DNAH7: variants seen among roughly 807,000 people sequenced by gnomAD.
The protein encoded by DNAH7 is axonemal beta dynein heavy chain 7.
A neutral mutation model predicts 444.6 loss-of-function variants in DNAH7; 397 were observed. That is an observed-to-expected ratio of 0.89 (90% CI 0.82 to 0.97). DNAH7 has a LOEUF of 0.97. DNAH7 is among the 50% of genes least tolerant of loss of function. The pLI is 0.00. For missense variants in DNAH7, 4,902 were observed against 4,800.8 expected (o/e 1.02, Z -0.62); for synonymous variants, 1,636 against 1,624.4 (o/e 1.01, Z -0.17).
intron 40 of DNAH7, among the ~76,000 whole-genome samples, chr2:195,868,474 T>C (rs1700485695): frequency 6.6e-6 from 1 of 151,874 alleles, no homozygotes. Flanking sequence ...TGACTAATCA[T>C]GTCCTTATTG....
chr2:195,949,820 G>A (rs1432164290), intron 19 of DNAH7, among the ~76,000 whole-genome samples: 1 of 152,160 alleles, frequency 6.6e-6, no homozygotes, highest in Non-Finnish European at 1.5e-5. Context: ...ATGTGATGTT[G>A]AATTTTATCA....
At chr2:196,021,806 A>C (rs1354981829) in intron 8 of DNAH7, among the ~76,000 whole-genome samples, 1 of 151,994 alleles carries the variant, frequency 6.6e-6, no homozygotes, top group Non-Finnish European at 1.5e-5. Context: ...TGGGAAACAA[A>C]GAAACCCTAT....
At chr2:195,940,774 C>T (rs1016642394) in intron 19 of DNAH7, among the ~76,000 whole-genome samples, 5 of 152,026 alleles carry the variant, frequency 3.3e-5, no homozygotes, top group Admixed American at 6.6e-5. Context: ...TGAAAAAAAG[C>T]TCATCATCAC....
At position 195,858,867 on chromosome 2, in the gene DNAH7, C is replaced by T. The variant is rs1366050948; in HGVS notation, c.7737-63G>A. The T allele has an allele frequency of 2.8e-6, 4 of 1,408,730 alleles. No individual in the cohort carries two copies. The Admixed American group carries it at 9.0e-5, about 32-fold the overall frequency. 87.3% of individuals were successfully genotyped at this position (1,408,730 alleles called of 1,614,324 possible). ...CTCTGTATCCTACATGAAGGAAAAA[C>T]TTAAGTGTTTCTGAGCTTTCTAGGC... is the stretch of plus-strand genomic sequence containing the variant. On this transcript the variant is annotated intron_variant, in intron 42 of 64. Coordinates refer to ENST00000312428, the MANE Select transcript of DNAH7 (RefSeq NM_018897.3).
At chr2:195,756,073 T>C in intron 62 of DNAH7, 60 bp downstream of exon 62, 1 of 1,521,810 alleles carries the variant, frequency 6.6e-7, no homozygotes, top group Non-Finnish European at 8.9e-7. Context: ...TTAAGCATTC[T>C]GACGAAGAAA....
rs1487964166 is a variant in DNAH7 at position 195,981,104 on chromosome 2, A to C, written c.1833+3528T>G. Among the ~76,000 whole-genome samples the C allele has an allele frequency of 2.0e-5, 3 of 152,190 alleles. No individual in the cohort carries two copies. The East Asian group carries it at 5.8e-4, about 29-fold the overall frequency. ...ATATTTGAAAAATCCTAGAGACTCC[A>C]CCAAAAAACTATTAGAACTGATAAA... is the stretch of plus-strand genomic sequence containing the variant. On this transcript the variant is annotated intron_variant, in intron 15 of 64. Transcript: ENST00000312428.
intron 49 of DNAH7, among the ~76,000 whole-genome samples, chr2:195,821,613 TA>T (rs1697476583): frequency 6.6e-6 from 1 of 152,188 alleles, no homozygotes; most frequent in Non-Finnish European, 1.5e-5. Context: ...ATGTGTAGAA[TA>T]ATTGAAGGTT....
At position 196,064,746 on chromosome 2, in the gene DNAH7, T is replaced by C. The variant is rs539597888; in HGVS notation, c.15+3951A>G. Among the ~76,000 whole-genome samples, 8 of 152,302 alleles carry C rather than the reference T, an allele frequency of 5.3e-5. No individual in the cohort carries two copies. The East Asian group carries it at 1.2e-3, about 22-fold the overall frequency. ...TTTAATATTACATTTTTGAAATGTA[T>C]CCCCATTAATACGTTTCTCAATGAT... is the stretch of plus-strand genomic sequence containing the variant. On this transcript the variant is annotated intron_variant, in intron 1 of 64. Transcript: ENST00000312428.
chr2:195,900,649 A>G, intron 27 of DNAH7, 155 bp from the exon 28 acceptor site: 1 of 664,822 alleles, frequency 1.5e-6, no homozygotes, highest in Non-Finnish European at 2.5e-6. Flanking sequence ...GAGGCTGGGA[A>G]AGGTGAGGTG....
At chr2:195,972,005 A>C (rs968818180) in intron 16 of DNAH7, among the ~76,000 whole-genome samples, 1 of 152,162 alleles carries the variant, frequency 6.6e-6, no homozygotes, top group Admixed American at 6.5e-5. Flanking sequence ...TATCTTGAAA[A>C]ATCAAGAAAT....
chr2:195,842,062 G>A (rs533808916), intron 47 of DNAH7, among the ~76,000 whole-genome samples: 1 of 151,994 alleles, frequency 6.6e-6, no homozygotes, highest in East Asian at 1.9e-4. Flanking sequence ...AGTTATTATT[G>A]CTACTGAATT....
chr2:195,961,077 T>C (rs1202915140), intron 17 of DNAH7, 132 bp from the exon 18 acceptor site: 1 of 661,554 alleles, frequency 1.5e-6, no homozygotes, highest in East Asian at 3.1e-5. Flanking sequence ...ACTTCAATAA[T>C]CTAGAAAAAC....
chr2:195,781,388 C>T (rs1306311079), intron 58 of DNAH7, among the ~76,000 whole-genome samples: 1 of 152,100 alleles, frequency 6.6e-6, no homozygotes, highest in Non-Finnish European at 1.5e-5. Context: ...CCTGAGAGTC[C>T]ATGAGGTAAA....
At chr2:195,930,582 G>T (rs1688624642) in intron 21 of DNAH7, among the ~76,000 whole-genome samples, 1 of 152,196 alleles carries the variant, frequency 6.6e-6, no homozygotes, top group Non-Finnish European at 1.5e-5. Context: ...TGGTGGGATT[G>T]TAAGTTAGTT....
chr2:195,767,210 TAA>T (rs1422633023), intron 61 of DNAH7, among the ~76,000 whole-genome samples: 1 of 152,140 alleles, frequency 6.6e-6, no homozygotes, highest in East Asian at 1.9e-4. Context: ...AGTGTTTTAC[TAA>T]ATTTCCAAAT....
chr2:196,023,826 G>A (rs1695523473), intron 8 of DNAH7, among the ~76,000 whole-genome samples: 2 of 152,106 alleles, frequency 1.3e-5, no homozygotes, highest in South Asian at 4.1e-4. Flanking sequence ...TTGATTTAAA[G>A]TGAGAAATGT....
chr2:195,814,478 A>C (rs1302412553), intron 51 of DNAH7, among the ~76,000 whole-genome samples: 1 of 152,220 alleles, frequency 6.6e-6, no homozygotes, highest in Admixed American at 6.5e-5. Flanking sequence ...AATAGGAGAC[A>C]ATAAAGGACC....
At chr2:195,890,422 T>C (rs1275242459) in intron 31 of DNAH7, among the ~76,000 whole-genome samples, 3 of 152,252 alleles carry the variant, frequency 2.0e-5, no homozygotes, top group African/African-American at 7.2e-5. Context: ...TCAGGTGAAC[T>C]ACTTAAACTC....
Position 195,884,398 on chromosome 2 carries a change from A to T in DNAH7, c.5763+187T>A, listed in dbSNP as rs540108860. Among the ~76,000 whole-genome samples the T allele has an allele frequency of 1.6e-4, 25 of 152,346 alleles. No individual in the cohort carries two copies. In the East Asian group the frequency reaches 4.6e-3, roughly 28 times the overall value. ...AACTAGTCCATGGCTATACAGAAAG[A>T]AAGTGACTTTACTAGGACTCAAACC... On this transcript the variant is annotated intron_variant, in intron 35 of 64. Coordinates refer to ENST00000312428, the MANE Select transcript of DNAH7 (RefSeq NM_018897.3).
Sources: allele counts gnomAD v4.1 joint callset (sites outside exome capture counted in the v4.1 genomes callset), GRCh38; gene constraint gnomAD v4.1.1; transcripts MANE v1.5; gene names NCBI Gene and HGNC (gene_info 2026-07-23, HGNC 2026-07-21).